Variants in WWOX observed in about 807,000 individuals in gnomAD.
WWOX encodes WW domain-containing oxidoreductase.
Under a neutral mutation model 46.2 loss-of-function variants are expected in WWOX, and 69 were observed. The ratio of observed to expected loss-of-function variants is 1.49; its 90% CI spans 1.23 to 1.82. The LOEUF is 1.82. WWOX is among the 40% of genes most tolerant of loss of function. WWOX has a pLI of 0.00. For synonymous variants in WWOX, 359 were observed against 202.6 expected (o/e 1.77, Z -6.56); for missense variants, 919 against 542.6 (o/e 1.69, Z -6.89).
intron 6 of WWOX, among the ~76,000 whole-genome samples, chr16:78,420,404 T>A (rs930761607): frequency 6.6e-6 from 1 of 152,154 alleles, no homozygotes; most frequent in Admixed American, 6.5e-5. Flanking sequence ...CAAAGCGTGG[T>A]ATATTCATAT....
At chr16:78,430,393 A>G (rs1475289052) in intron 7 of WWOX, among the ~76,000 whole-genome samples, 2 of 152,166 alleles carry the variant, frequency 1.3e-5, no homozygotes, top group East Asian at 3.9e-4. Context: ...GCTTTTATTC[A>G]TTCTACATGT....
At chr16:78,293,978 G>GAAAAAAAAAAAAAAAAAAAAA (rs35079271) in intron 5 of WWOX, among the ~76,000 whole-genome samples, 1 of 30,312 alleles carries the variant, frequency 3.3e-5, no homozygotes, top group African/African-American at 1.0e-4. Context: ...CTCTGTCTCA[G>GAAAAAAAAAAAAAAAAAAAAA]AAAAAAAAAA....
intron 8 of WWOX, among the ~76,000 whole-genome samples, chr16:78,515,210 C>A (rs1381441847): frequency 6.6e-6 from 1 of 152,116 alleles, no homozygotes; most frequent in Non-Finnish European, 1.5e-5. Flanking sequence ...GGCGACAGAG[C>A]GAGACCCTGT....
At chr16:79,135,628 A>G (rs776084484) in intron 8 of WWOX, among the ~76,000 whole-genome samples, 40 of 152,180 alleles carry the variant, frequency 2.6e-4, no homozygotes, top group Admixed American at 2.0e-3. Context: ...ATGTACTTCA[A>G]ATTTTTAACA....
At chr16:78,810,379 A>G (rs958656019) in intron 8 of WWOX, among the ~76,000 whole-genome samples, 1 of 152,158 alleles carries the variant, frequency 6.6e-6, no homozygotes, top group Non-Finnish European at 1.5e-5. Context: ...ACATGCAGCC[A>G]CACTTGTTTT....
chr16:78,435,915 C>G (rs1323571148), intron 8 of WWOX, among the ~76,000 whole-genome samples: 1 of 152,190 alleles, frequency 6.6e-6, no homozygotes, highest in Non-Finnish European at 1.5e-5. Context: ...TTATTATAAT[C>G]TGGCTCTCCA....
intron 8 of WWOX, among the ~76,000 whole-genome samples, chr16:78,442,688 A>C (rs569282514): frequency 1.3e-5 from 2 of 152,122 alleles, no homozygotes; most frequent in South Asian, 4.2e-4. Context: ...GAACATAAAA[A>C]CCTCATATGG....
intron 8 of WWOX, among the ~76,000 whole-genome samples, chr16:79,031,768 A>T (rs2047759881): frequency 6.9e-6 from 1 of 143,970 alleles, no homozygotes; most frequent in African/African-American, 2.5e-5. Flanking sequence ...ATATATATAT[A>T]ATATATAGAA....
chr16:78,823,572 A>G (rs773547414), intron 8 of WWOX, among the ~76,000 whole-genome samples: 8 of 152,174 alleles, frequency 5.3e-5, no homozygotes, highest in Non-Finnish European at 8.8e-5. Context: ...GCAAATGTTT[A>G]ATAAAGGCTT....
In WWOX at chr16:78,115,935, C is replaced by G. The variant is rs961189619; in HGVS notation, c.409+781C>G. ...CAAGTTCTCTCTGTCCTTTTGGTCCCCCGCAGCCCTCACACGGCCCCCTTG... is the reference window on the plus strand; with the variant it reads ...CAAGTTCTCTCTGTCCTTTTGGTCCGCCGCAGCCCTCACACGGCCCCCTTG... On this transcript the variant is annotated intron_variant, in intron 4 of 8. Transcript: ENST00000566780. Among the ~76,000 whole-genome samples the G allele has an allele frequency of 9.9e-5, 15 of 152,228 alleles. No individual in the cohort carries two copies. In the East Asian group the frequency reaches 1.4e-3, roughly 14 times the overall value.
chr16:78,344,896 T>A (rs1347664253), intron 5 of WWOX, among the ~76,000 whole-genome samples: 1 of 121,226 alleles, frequency 8.2e-6, no homozygotes, highest in East Asian at 1.9e-4. Flanking sequence ...AGGGTCAGAC[T>A]GCTTGTGTTC....
chr16:79,210,157 C>G (rs1346455959), intron 8 of WWOX, among the ~76,000 whole-genome samples: 1 of 152,210 alleles, frequency 6.6e-6, no homozygotes, highest in African/African-American at 2.4e-5. Context: ...AGAGTCGTAT[C>G]ACTTGACTGC....
intron 8 of WWOX, among the ~76,000 whole-genome samples, chr16:78,467,284 T>C (rs2151430448): frequency 6.6e-6 from 1 of 152,334 alleles, no homozygotes; most frequent in African/African-American, 2.4e-5. Flanking sequence ...TGTATGTGTA[T>C]GTATGATGTA....
intron 5 of WWOX, among the ~76,000 whole-genome samples, chr16:78,311,844 G>T (rs1259463931): frequency 6.6e-6 from 1 of 152,176 alleles, no homozygotes; most frequent in Admixed American, 6.5e-5. Context: ...CAAACTTAGT[G>T]TCTTGAGACA....
chr16:78,953,002 G>C (rs1216010938), intron 8 of WWOX, among the ~76,000 whole-genome samples: 1 of 150,506 alleles, frequency 6.6e-6, no homozygotes, highest in Non-Finnish European at 1.5e-5. Flanking sequence ...GCATTTCTCT[G>C]ATTTGTGGTT....
At chr16:78,573,471 A>G (rs1262038277) in intron 8 of WWOX, among the ~76,000 whole-genome samples, 2 of 152,188 alleles carry the variant, frequency 1.3e-5, no homozygotes, top group Non-Finnish European at 2.9e-5. Context: ...TCCATACTCC[A>G]TTCCATTCTA....
chr16:78,521,983 T>C (rs2043357858), intron 8 of WWOX, among the ~76,000 whole-genome samples: 1 of 152,070 alleles, frequency 6.6e-6, no homozygotes, highest in African/African-American at 2.4e-5. Flanking sequence ...ATTTTGCAAG[T>C]TTTCAGGAAA....
At chr16:79,066,040 A>T (rs573889547) in intron 8 of WWOX, among the ~76,000 whole-genome samples, 1 of 152,234 alleles carries the variant, frequency 6.6e-6, no homozygotes, top group African/African-American at 2.4e-5. Flanking sequence ...GTTCATCATG[A>T]TCTGTGGAGC....
intron 8 of WWOX, among the ~76,000 whole-genome samples, chr16:79,160,278 G>C (rs565834088): frequency 1.3e-5 from 2 of 152,274 alleles, no homozygotes; most frequent in Admixed American, 1.3e-4. Context: ...AAGCAAGGCA[G>C]ACTATTTCGT....
Sources: gnomAD v4.1 joint callset for allele counts (sites outside exome capture counted in the v4.1 genomes callset) on GRCh38, gnomAD v4.1.1 for gene constraint, MANE v1.5 for transcripts, NCBI Gene and HGNC (gene_info 2026-07-23, HGNC 2026-07-21) for gene names.